Variants in NADK observed in about 807,000 individuals in gnomAD.
NADK encodes poly(P)/ATP NAD kinase.
A neutral mutation model predicts 49.8 loss-of-function variants in NADK; 22 were observed. That is an observed-to-expected ratio of 0.44 (90% CI 0.32 to 0.63). The LOEUF is 0.63. NADK is among the 30% of genes least tolerant of loss of function. The probability of loss-of-function intolerance (pLI) is 0.06; values close to 1 mark genes in which losing one functional copy is unlikely to be tolerated. For synonymous variants in NADK, 268 were observed against 253.7 expected, an observed-to-expected ratio of 1.06 and a Z score of -0.54; for missense variants, 438 against 609.4, an observed-to-expected ratio of 0.72 and a Z score of 2.96.
chr1:1,755,089 G>C (rs1046369541), intron 7 of NADK, among the ~76,000 whole-genome samples: 1 of 152,212 alleles, frequency 6.6e-6, no homozygotes, highest in African/African-American at 2.4e-5. Context: ...ACAGTGCTGG[G>C]ATGACAGGCG....
intron 10 of NADK, 106 bp downstream of exon 10, chr1:1,753,945 T>C: frequency 7.1e-7 from 1 of 1,410,068 alleles, no homozygotes; most frequent in Non-Finnish European, 9.5e-7. Flanking sequence ...CGAGGCCGCG[T>C]CTGAGGCTGG....
intron 3 of NADK, among the ~76,000 whole-genome samples, chr1:1,760,212 C>G (rs558384945): frequency 1.3e-5 from 2 of 152,146 alleles, no homozygotes; most frequent in Non-Finnish European, 2.9e-5. Context: ...GGGGTCGGGC[C>G]CCCCGCCTCA....
chr1:1,752,904 C>T lies in NADK; in HGVS notation c.1341G>A (p.Ter447=). ...EEEEEEEEEG[*] is the part of the protein sequence containing the mutation. ...ATTCGGGCCTGGATAGGGGCTTGAC[C>T]TAGCCCTCCTCCTCCTCCTCCTCCT... Residue 447 remains the stop codon, a stop_retained_variant, in exon 12 of 12, where the codon TAG becomes TAA. Transcript: ENST00000341426. The T allele has an allele frequency of 1.3e-6, 2 of 1,577,860 alleles. No individual in the cohort carries two copies.
At chr1:1,778,891 G>C (rs1395417921), upstream of NADK, 5 of 152,328 alleles carry the variant, frequency 3.3e-5, no homozygotes, top group African/African-American at 1.2e-4. This position sits in a 1 kb window ranked among gnomAD's most constrained non-coding sequence, Gnocchi z 4.9. Context: ...CGGCTCAGGG[G>C]AGTGCAGGTG....
In NADK at chr1:1,752,981, C is replaced by T; in HGVS notation, c.1264G>A (p.Ala422Thr). The T allele has an allele frequency of 6.2e-7, 1 of 1,602,416 alleles. No individual in the cohort carries two copies. Among genetic ancestry groups the T allele is most frequent in the Non-Finnish European group, 8.5e-7 (1 of 1,174,942 alleles). ...CGGACGTTCCAATGCAGGCACTGGG[C>T]GAGGCTCTCAAACCAGTCGCTCACG... Reference protein sequence around the residue: ...DPVSDWFESLAQCLHWNVRKK... With the variant: ...DPVSDWFESLTQCLHWNVRKK... The change falls in exon 12 of 12, where the codon GCC becomes ACC. Residue 422 changes from alanine (A) to threonine (T), a missense_variant. Coordinates refer to ENST00000341426, the MANE Select transcript of NADK (RefSeq NM_023018.5).
chr1:1,758,389 G>A (rs774626473), intron 3 of NADK: 47 of 1,610,878 alleles, frequency 2.9e-5, no homozygotes, highest in Middle Eastern at 2.0e-4. Context: ...ACTGGGAGGC[G>A]TGGGGTCACT....
chr1:1,753,346 C>T (rs907683623), intron 11 of NADK, among the ~76,000 whole-genome samples: 2 of 152,174 alleles, frequency 1.3e-5, no homozygotes, highest in African/African-American at 4.8e-5. Context: ...GGGGGGACAC[C>T]CTCAGGCCTC....
At chr1:1,759,108 C>T in intron 3 of NADK, 1 of 1,545,102 alleles carries the variant, frequency 6.5e-7, no homozygotes, top group Non-Finnish European at 8.7e-7. Context: ...GACCCAGTGG[C>T]CTGGCCTACA....
intron 2 of NADK, 120 bp downstream of exon 2, chr1:1,765,108 G>T: frequency 9.7e-7 from 1 of 1,028,700 alleles, no homozygotes; most frequent in Non-Finnish European, 1.4e-6. Context: ...CAAGGACCCA[G>T]CCTCACCTTC....
rs771276703 is a variant in NADK, at chr1:1,754,397, A to C, written c.844-14T>G. On this transcript the variant is annotated splice_polypyrimidine_tract_variant and intron_variant, in intron 8 of 11. Coordinates refer to ENST00000341426, the MANE Select transcript of NADK (RefSeq NM_023018.5). This position sits in a 1 kb window ranked among gnomAD's most constrained non-coding sequence, Gnocchi z 4.3. ...CTCATTCAGGACCTGGAGGGGCGACAGCATTGCACACTCAGGGCGGGGGAT... is the reference window on the plus strand; with the variant it reads ...CTCATTCAGGACCTGGAGGGGCGACCGCATTGCACACTCAGGGCGGGGGAT... 7 of 1,613,000 alleles carry C rather than the reference A, an allele frequency of 4.3e-6. No individual in the cohort carries two copies. In the East Asian group the frequency reaches 1.6e-4, roughly 36 times the overall value.
intron 4 of NADK, 111 bp downstream of exon 4, chr1:1,757,070 C>T (rs775184615): frequency 4.7e-6 from 7 of 1,475,828 alleles, no homozygotes; most frequent in East Asian, 2.5e-5. Flanking sequence ...GACAAGCAGC[C>T]GTTGCCCAGC....
intron 3 of NADK, among the ~76,000 whole-genome samples, chr1:1,761,204 G>A (rs965680312): frequency 1.3e-5 from 2 of 152,222 alleles, no homozygotes; most frequent in South Asian, 2.1e-4. Flanking sequence ...TATTGGCCAG[G>A]CTGGTCTTGA....
upstream of NADK, chr1:1,778,579 G>C (rs1646286113): frequency 6.6e-6 from 1 of 151,282 alleles, no homozygotes; most frequent in Non-Finnish European, 1.5e-5. The surrounding 1 kb of genome is among the most constrained non-coding windows in gnomAD (Gnocchi z 4.9). Context: ...GAGGCGGCGG[G>C]CGTGGCGGGA....
intron 1 of NADK, among the ~76,000 whole-genome samples, chr1:1,771,802 ATTTT>A (rs199519336): frequency 1.4e-5 from 2 of 147,134 alleles, no homozygotes; most frequent in African/African-American, 5.0e-5. Flanking sequence ...AGCACTGGAA[ATTTT>A]TTTTTTTTTG....
intron 1 of NADK, among the ~76,000 whole-genome samples, chr1:1,768,666 AG>A (rs922756124): frequency 3.9e-5 from 6 of 152,206 alleles, no homozygotes; most frequent in Admixed American, 1.3e-4. Flanking sequence ...AGTGAGAAAG[AG>A]AGTCTTTACG....
At position 1,771,293 on chromosome 1, in the gene NADK, C is replaced by T. The variant is rs1365621050; in HGVS notation, c.-40-5847G>A. Among the ~76,000 whole-genome samples, 3 of 151,874 alleles carry T rather than the reference C, an allele frequency of 2.0e-5. No homozygotes were observed. In the East Asian group the frequency reaches 5.8e-4, roughly 29 times the overall value. On this transcript the variant is annotated intron_variant, in intron 1 of 11. Coordinates refer to ENST00000341426, the MANE Select transcript of NADK (RefSeq NM_023018.5). ...CATACCATGTTCATGGATTGGAGGA[C>T]TCAATATTGAGATCTTAGTTCTCAT...
chr1:1,779,700 A>AG, upstream of NADK, among the ~76,000 whole-genome samples: 1 of 151,128 alleles, frequency 6.6e-6, no homozygotes, highest in South Asian at 2.1e-4. Flanking sequence ...TGTAGAGATG[A>AG]GGTTTTACCA....
At chr1:1,779,978 A>G (rs1458917502), upstream of NADK, 1 of 152,228 alleles carries the variant, frequency 6.6e-6, no homozygotes, top group African/African-American at 2.4e-5. Flanking sequence ...CTTCCTGAAA[A>G]ACACAGCTCT....
At chr1:1,770,796 C>G (rs1028627938) in intron 1 of NADK, among the ~76,000 whole-genome samples, 1 of 151,986 alleles carries the variant, frequency 6.6e-6, no homozygotes, top group African/African-American at 2.4e-5. Flanking sequence ...CGCCTGTAAT[C>G]CCAACACTGG....
Sources: allele counts gnomAD v4.1 joint callset (sites outside exome capture counted in the v4.1 genomes callset), GRCh38; gene constraint gnomAD v4.1.1; non-coding constraint Gnocchi (gnomAD v3.1); transcripts MANE v1.5; gene names NCBI Gene and HGNC (gene_info 2026-07-23, HGNC 2026-07-21).